Variants in LDB3 observed in about 807,000 individuals in gnomAD.
LDB3 encodes LIM domain binding 3, also known as LIM domain-binding protein 3.
In LDB3, 49 loss-of-function variants were observed where a neutral mutation model predicts 69.0. The ratio of observed to expected loss-of-function variants is 0.71; its 90% CI spans 0.56 to 0.90. The LOEUF is 0.90. Among genes scored for constraint, LDB3 ranks in the 40% least tolerant of loss-of-function variants. The probability of loss-of-function intolerance (pLI) is 0.00; values close to 1 mark genes in which losing one functional copy is unlikely to be tolerated. For missense variants in LDB3, 928 were observed against 974.1 expected (o/e 0.95, Z 0.63); for synonymous variants, 387 against 396.2 (o/e 0.98, Z 0.28).
rs775147852 is a variant in LDB3, at chr10:86,681,431, G to T, written c.322-5G>T. 2 of 1,600,894 alleles carry T rather than the reference G, an allele frequency of 1.2e-6. No individual in the cohort carries two copies. ...CTCTCCCCTGCATGGCCTGCCCTGT[G>T]CCAGGACCCCGCTCTGGACACGAAC... On this transcript the variant is annotated splice_polypyrimidine_tract_variant and splice_region_variant and intron_variant, in intron 4 of 13. Coordinates refer to ENST00000361373, the MANE Select transcript of LDB3 (RefSeq NM_007078.3).
At chr10:86,679,298 C>T in intron 2 of LDB3, 69 bp from the exon 3 acceptor site, 1 of 1,585,430 alleles carries the variant, frequency 6.3e-7, no homozygotes, top group Non-Finnish European at 8.7e-7. Context: ...GGTGACTCTT[C>T]CCCAAGGACT....
At chr10:86,704,672 T>C (rs1422801119) in intron 7 of LDB3, among the ~76,000 whole-genome samples, 1 of 150,522 alleles carries the variant, frequency 6.6e-6, no homozygotes, top group Non-Finnish European at 1.5e-5. Context: ...CTCCACCTCC[T>C]GGGTTCACGC....
intron 7 of LDB3, among the ~76,000 whole-genome samples, chr10:86,698,812 A>T (rs918672853): frequency 6.6e-6 from 1 of 152,068 alleles, no homozygotes; most frequent in Non-Finnish European, 1.5e-5. Context: ...ATCACGGGGG[A>T]TAGGTGCTCC....
intron 9 of LDB3, 36 bp downstream of exon 9, chr10:86,710,086 C>G (rs1846588753): frequency 1.2e-6 from 2 of 1,606,974 alleles, no homozygotes; most frequent in South Asian, 2.2e-5. Flanking sequence ...CTGTCGAAAG[C>G]CATGGGCGGG....
chr10:86,672,772 A>T (rs565058382), intron 2 of LDB3, among the ~76,000 whole-genome samples: 1 of 152,218 alleles, frequency 6.6e-6, no homozygotes, highest in African/African-American at 2.4e-5. Context: ...AGGAGAGGAC[A>T]TGAGGCTGGC....
At chr10:86,677,145 C>T (rs1349402307) in intron 2 of LDB3, among the ~76,000 whole-genome samples, 2 of 152,230 alleles carry the variant, frequency 1.3e-5, no homozygotes, top group Non-Finnish European at 2.9e-5. Context: ...CCGGAGCCTC[C>T]TCTTTCCTGT....
chr10:86,669,361 A>G (rs778623583), intron 2 of LDB3, among the ~76,000 whole-genome samples: 2 of 152,140 alleles, frequency 1.3e-5, no homozygotes, highest in Non-Finnish European at 2.9e-5. Context: ...CTCCCCATTC[A>G]CCATGGCTGC....
intron 12 of LDB3, among the ~76,000 whole-genome samples, chr10:86,720,762 TCA>T (rs2132491801): frequency 6.6e-6 from 1 of 152,346 alleles, no homozygotes; most frequent in Non-Finnish European, 1.5e-5. Context: ...ATTTCCATTA[TCA>T]CTGCTGCCCC....
chr10:86,721,769 G>A (rs1474697986), intron 12 of LDB3, among the ~76,000 whole-genome samples: 2 of 152,204 alleles, frequency 1.3e-5, no homozygotes, highest in Non-Finnish European at 2.9e-5. Flanking sequence ...GGCACGCTGT[G>A]TTTCAACAAA....
chr10:86,725,700 G>T (rs1461454283), intron 12 of LDB3, among the ~76,000 whole-genome samples: 1 of 152,146 alleles, frequency 6.6e-6, no homozygotes, highest in African/African-American at 2.4e-5. Flanking sequence ...CAACACAAAT[G>T]CCCCATGACA....
chr10:86,692,420 G>T (rs1442119415), intron 6 of LDB3, 115 bp from the exon 7 acceptor site: 6 of 1,034,702 alleles, frequency 5.8e-6, no homozygotes, highest in African/African-American at 1.6e-5. Context: ...AGGCAAGGGG[G>T]CAGTCACCGT....
intron 7 of LDB3, among the ~76,000 whole-genome samples, chr10:86,702,801 A>G (rs1564650130): frequency 1.3e-5 from 2 of 152,274 alleles, no homozygotes; most frequent in Admixed American, 1.3e-4. Context: ...AGATCCTTCA[A>G]GATACCCTTT....
chr10:86,670,015 A>C (rs1004457602), intron 2 of LDB3, among the ~76,000 whole-genome samples: 8 of 131,148 alleles, frequency 6.1e-5, no homozygotes, highest in African/African-American at 2.5e-4. Context: ...CAATGCCCCC[A>C]GTGGAGGAGT....
intron 13 of LDB3, 188 bp downstream of exon 13, chr10:86,726,440 T>C (rs1430593317): frequency 7.9e-6 from 5 of 634,136 alleles, no homozygotes; most frequent in South Asian, 5.4e-5. Flanking sequence ...CTAATAATTA[T>C]TTATAAACCA....
At chr10:86,717,891 G>T in intron 10 of LDB3, 73 bp from the exon 11 acceptor site, 1 of 1,387,100 alleles carries the variant, frequency 7.2e-7, no homozygotes, top group South Asian at 1.2e-5. Context: ...TATAAACAGT[G>T]TTGGGGTTCT....
Position 86,716,669 on chromosome 10 carries a change from G to A in LDB3, c.1574G>A (p.Gly525Asp). The A allele has an allele frequency of 6.2e-7, 1 of 1,613,952 alleles. No individual in the cohort carries two copies. Among genetic ancestry groups the A allele is most frequent in the Non-Finnish European group, 8.5e-7 (1 of 1,180,000 alleles). The part of the protein sequence containing the change: ...PRGGPAYTPA[G>D]PQVPPLARGT... ...GGAGGCCCAGCCTACACCCCAGCGG[G>A]TCCTCAGGTGCCACCACTTGCCAGG... Residue 525 changes from glycine (G) to aspartate (D), a missense_variant, in exon 10 of 14, where the codon GGT (glycine) becomes GAT (aspartate). Transcript: ENST00000361373.
At chr10:86,674,849 G>A (rs1043779494) in intron 2 of LDB3, among the ~76,000 whole-genome samples, 5 of 152,166 alleles carry the variant, frequency 3.3e-5, no homozygotes, top group African/African-American at 1.2e-4. Context: ...CTCTGGGCAA[G>A]GGTCTGAGGG....
intron 9 of LDB3, among the ~76,000 whole-genome samples, chr10:86,710,907 A>G (rs151269123): frequency 4.3e-4 from 66 of 152,316 alleles, no homozygotes; most frequent in African/African-American, 1.3e-3. Flanking sequence ...TGCGCTGTTC[A>G]TGGACACCTT....
intron 5 of LDB3, among the ~76,000 whole-genome samples, chr10:86,689,655 C>T (rs1045136293): frequency 1.3e-5 from 2 of 152,176 alleles, no homozygotes; most frequent in Non-Finnish European, 2.9e-5. Context: ...TTATTCAGGG[C>T]TAGAAGGTGA....
Sources: gnomAD v4.1 joint callset for allele counts (sites outside exome capture counted in the v4.1 genomes callset) on GRCh38, gnomAD v4.1.1 for gene constraint, MANE v1.5 for transcripts, NCBI Gene and HGNC (gene_info 2026-07-23, HGNC 2026-07-21) for gene names.